The following TOGARAM1 variants were observed in gnomAD, a reference collection of about 807,000 sequenced individuals.
The protein encoded by TOGARAM1 is TOG array regulator of axonemal microtubules 1.
A neutral mutation model predicts 166.6 loss-of-function variants in TOGARAM1; 100 were observed. That is an observed-to-expected ratio of 0.60 (90% CI 0.51 to 0.71). The LOEUF is 0.71. Ranked by LOEUF, TOGARAM1 falls within the 30% of genes least tolerant of loss-of-function variation. TOGARAM1 has a pLI of 0.00. For synonymous variants in TOGARAM1, 758 were observed against 763.8 expected (o/e 0.99, Z 0.13); for missense variants, 2,029 against 2,102.7 (o/e 0.96, Z 0.69).
chr14:44,995,949 T>TC, intron 2 of TOGARAM1, 47 bp downstream of exon 2: 1 of 1,518,666 alleles, frequency 6.6e-7, no homozygotes. Context: ...AACAGACTTC[T>TC]CTTAACTTCA....
chr14:45,069,672 C>T (rs1041108521), intron 18 of TOGARAM1, among the ~76,000 whole-genome samples: 2 of 152,088 alleles, frequency 1.3e-5, no homozygotes, highest in Admixed American at 1.3e-4. Flanking sequence ...GCCATGATCA[C>T]CACACAAGTA....
chr14:44,983,275 T>C (rs187757247), intron 1 of TOGARAM1, among the ~76,000 whole-genome samples: 1 of 152,266 alleles, frequency 6.6e-6, no homozygotes, highest in Non-Finnish European at 1.5e-5. Flanking sequence ...GAGGAGGAAG[T>C]CTTTTTCTCT....
intron 14 of TOGARAM1, among the ~76,000 whole-genome samples, chr14:45,048,280 C>T (rs1882182576): frequency 7.7e-6 from 1 of 129,300 alleles, no homozygotes; most frequent in Non-Finnish European, 1.6e-5. Context: ...TCAGCCACTG[C>T]ACTCCAGCCT....
At chr14:45,055,267 C>A (rs1017613356) in intron 16 of TOGARAM1, among the ~76,000 whole-genome samples, 8 of 152,116 alleles carry the variant, frequency 5.3e-5, no homozygotes, top group Admixed American at 6.6e-5. Flanking sequence ...CTGCATATGG[C>A]AATCTAATTT....
intron 16 of TOGARAM1, among the ~76,000 whole-genome samples, chr14:45,059,061 T>C (rs898014692): frequency 6.6e-6 from 1 of 152,188 alleles, no homozygotes; most frequent in Non-Finnish European, 1.5e-5. Context: ...TACTATGACC[T>C]CTTTGTTCTG....
At chr14:45,049,327 A>G (rs947300608) in intron 14 of TOGARAM1, among the ~76,000 whole-genome samples, 11 of 151,684 alleles carry the variant, frequency 7.3e-5, no homozygotes, top group African/African-American at 2.7e-4. Flanking sequence ...CAGTGGCGCC[A>G]TCTCGGCTCA....
chr14:44,992,611 C>CTTTTTTT (rs376434047), intron 1 of TOGARAM1, among the ~76,000 whole-genome samples: 36 of 91,306 alleles, frequency 3.9e-4, no homozygotes, highest in Middle Eastern at 9.4e-3. Context: ...TTTTTGTAAT[C>CTTTTTTT]TTTTTTTTTT....
At chr14:45,072,392 T>C (rs1310891765) in intron 19 of TOGARAM1, among the ~76,000 whole-genome samples, 1 of 151,914 alleles carries the variant, frequency 6.6e-6, no homozygotes, top group African/African-American at 2.4e-5. Context: ...TCCATAGATA[T>C]CTGAATTGTC....
intron 16 of TOGARAM1, among the ~76,000 whole-genome samples, chr14:45,054,865 A>C (rs1378286622): frequency 6.6e-6 from 1 of 152,164 alleles, no homozygotes; most frequent in Non-Finnish European, 1.5e-5. Context: ...ATTGTAAAGT[A>C]ATACATAATT....
intron 7 of TOGARAM1, among the ~76,000 whole-genome samples, chr14:45,023,844 G>A (rs1432348194): frequency 1.3e-5 from 2 of 151,998 alleles, no homozygotes; most frequent in Non-Finnish European, 1.5e-5. Flanking sequence ...AGGTTCAAGC[G>A]ATTCTCCTGC....
Position 45,011,783 on chromosome 14 carries a change from A to ATG in TOGARAM1, c.3138-191_3138-190insGT, listed in dbSNP as rs561590482. Reference sequence around the variant, plus strand: ...AGGTGAACTAAGAATAGCAAAATATATATGTGTGTGTGTGTGTGTGTGTGT... The same window carrying ATG: ...AGGTGAACTAAGAATAGCAAAATATATGTATGTGTGTGTGTGTGTGTGTGTGT... On this transcript the variant is annotated intron_variant, in intron 6 of 19. Transcript: ENST00000361462. The ATG allele has an allele frequency of 1.1e-4, 48 of 417,878 alleles. No homozygotes were observed. The South Asian group carries it at 1.8e-3, about 15-fold the overall frequency. 25.9% of individuals were successfully genotyped at this position (417,878 alleles called of 1,614,324 possible).
intron 16 of TOGARAM1, among the ~76,000 whole-genome samples, chr14:45,058,428 G>C (rs566094856): frequency 6.6e-6 from 1 of 152,056 alleles, no homozygotes; most frequent in African/African-American, 2.4e-5. Flanking sequence ...CCTAGTAGCT[G>C]GGACTATAGG....
chr14:45,055,637 T>C (rs1035643503), intron 16 of TOGARAM1, among the ~76,000 whole-genome samples: 1 of 151,824 alleles, frequency 6.6e-6, no homozygotes, highest in East Asian at 1.9e-4. Context: ...ACCCCGTCTC[T>C]AGTAAAACTA....
At chr14:45,013,342 C>T (rs1594654123) in intron 7 of TOGARAM1, among the ~76,000 whole-genome samples, 1 of 152,276 alleles carries the variant, frequency 6.6e-6, no homozygotes, top group Admixed American at 6.5e-5. Context: ...TTCTTTAACT[C>T]TCAGATTCTT....
chr14:44,989,110 A>G (rs1443078880), intron 1 of TOGARAM1, among the ~76,000 whole-genome samples: 1 of 152,242 alleles, frequency 6.6e-6, no homozygotes, highest in Non-Finnish European at 1.5e-5. Context: ...AAACAGCAAT[A>G]CATAATGATA....
chr14:44,995,494 C>T (rs1240348884), intron 1 of TOGARAM1: 7 of 502,556 alleles, frequency 1.4e-5, no homozygotes, highest in Non-Finnish European at 1.9e-5. Context: ...CCAGAGTCTG[C>T]TGTAGGATGG....
At chr14:45,008,871 G>C in intron 5 of TOGARAM1, 42 bp from the exon 6 acceptor site, 1 of 1,493,652 alleles carries the variant, frequency 6.7e-7, no homozygotes, top group South Asian at 1.3e-5. Flanking sequence ...ACCAATATAA[G>C]GAATTTATGT....
intron 1 of TOGARAM1, among the ~76,000 whole-genome samples, chr14:44,983,481 G>A (rs1207812567): frequency 6.6e-6 from 1 of 152,108 alleles, no homozygotes. Context: ...TCTAAACTGG[G>A]GCCTGAGCCT....
rs2138920209 is a variant in TOGARAM1 at position 45,032,262 on chromosome 14, G to A, written c.3698G>A (p.Arg1233Lys). ...PTGAISQYKE[R>K]MPSVTHSPEI... is the part of the protein sequence containing the mutation. ...GGAGCTATTTCACAGTATAAAGAAAGGATGCCTTCTGTCACTCATAGTCCA... is the reference window on the plus strand; with the variant it reads ...GGAGCTATTTCACAGTATAAAGAAAAGATGCCTTCTGTCACTCATAGTCCA... Residue 1233 changes from arginine to lysine, a missense_variant, in exon 11 of 20, where the codon AGG (arginine) becomes AAG (lysine). Transcript: ENST00000361462. The A allele has an allele frequency of 1.2e-6, 2 of 1,613,934 alleles. No individual in the cohort carries two copies. The highest frequency in any genetic ancestry group is 1.7e-6 in the Non-Finnish European group (2 of 1,179,904).
Sources: allele counts gnomAD v4.1 joint callset (sites outside exome capture counted in the v4.1 genomes callset), GRCh38; gene constraint gnomAD v4.1.1; transcripts MANE v1.5; gene names NCBI Gene and HGNC (gene_info 2026-07-23, HGNC 2026-07-21).